Variants in NOL4 observed in about 807,000 individuals in gnomAD.
NOL4 encodes the protein cancer/testis antigen 125.
In NOL4, 17 loss-of-function variants were observed where a neutral mutation model predicts 75.9. The ratio of observed to expected loss-of-function variants is 0.22; its 90% confidence interval spans 0.15 to 0.34. The LOEUF is 0.34. Among genes scored for constraint, NOL4 ranks in the 10% least tolerant of loss-of-function variants. The probability of loss-of-function intolerance (pLI) is 1.00; values close to 1 mark genes in which losing one functional copy is unlikely to be tolerated. For missense variants in NOL4, 614 were observed against 793.5 expected (o/e 0.77, Z 2.72); for synonymous variants, 292 against 289.9 (o/e 1.01, Z -0.07).
Position 33,957,424 on chromosome 18 carries a change from A to C in NOL4, c.1330T>G (p.Cys444Gly). The C allele has an allele frequency of 6.2e-7, 1 of 1,613,732 alleles. No homozygotes were observed. Residue 444 changes from cysteine (C) to glycine (G), a missense_variant, in exon 8 of 11, where the codon TGC becomes GGC. Around this residue, in one of 9 missense-constraint regions of NOL4, gnomAD observed 52 missense variants for 121.1 expected, o/e 0.43. Transcript: ENST00000261592. Reference sequence around the variant, plus strand: ...TGATACTCAGGGAATTGTCGCCTGCATGAGTCAATGATAGCCTGGATCTTT... The same window carrying C: ...TGATACTCAGGGAATTGTCGCCTGCCTGAGTCAATGATAGCCTGGATCTTT... ...KEKIQAIIDS[C>G]RRQFPEYQER...
At chr18:34,037,594 C>A (rs1015316286) in intron 5 of NOL4, among the ~76,000 whole-genome samples, 2 of 151,952 alleles carry the variant, frequency 1.3e-5, no homozygotes, top group South Asian at 2.1e-4. Context: ...GAATAGGGAA[C>A]CCCAAAATAA....
intron 5 of NOL4, among the ~76,000 whole-genome samples, chr18:34,081,497 T>C (rs553136800): frequency 6.6e-6 from 1 of 152,290 alleles, no homozygotes; most frequent in South Asian, 2.1e-4. Context: ...TTTTTCTGAA[T>C]GCTTTATGTA....
chr18:34,039,170 T>C (rs549862744), intron 5 of NOL4, among the ~76,000 whole-genome samples: 1 of 152,146 alleles, frequency 6.6e-6, no homozygotes, highest in South Asian at 2.1e-4. Context: ...CTCGTCTTAT[T>C]GTCACACAAT....
At chr18:34,161,345 A>G (rs907662391) in intron 1 of NOL4, among the ~76,000 whole-genome samples, 2 of 152,058 alleles carry the variant, frequency 1.3e-5, no homozygotes, top group Non-Finnish European at 1.5e-5. Context: ...TGGGATTGCC[A>G]TTCTATTTCT....
intron 5 of NOL4, among the ~76,000 whole-genome samples, chr18:34,025,576 T>C (rs9965547): frequency 2.1e-4 from 32 of 152,330 alleles, no homozygotes; most frequent in African/African-American, 7.7e-4. Context: ...CAGCTATTTG[T>C]GTGCACACTG....
At chr18:34,151,116 T>C (rs898468743) in intron 1 of NOL4, among the ~76,000 whole-genome samples, 8 of 151,844 alleles carry the variant, frequency 5.3e-5, no homozygotes, top group African/African-American at 1.9e-4. Context: ...GTGCATAGGA[T>C]TGCAAAACTT....
intron 9 of NOL4, among the ~76,000 whole-genome samples, chr18:33,936,761 C>T (rs2068086100): frequency 6.6e-6 from 1 of 151,930 alleles, no homozygotes; most frequent in Non-Finnish European, 1.5e-5. Context: ...ACAAGGAAAC[C>T]CTCACATTCT....
chr18:34,216,893 TTTC>T (rs2036926906), intron 1 of NOL4, among the ~76,000 whole-genome samples: 1 of 152,072 alleles, frequency 6.6e-6, no homozygotes, highest in Non-Finnish European at 1.5e-5. Context: ...ATTTTATGTA[TTTC>T]TTCTTTTGTC....
chr18:34,085,237 A>C (rs533405245), intron 5 of NOL4, among the ~76,000 whole-genome samples: 6 of 152,310 alleles, frequency 3.9e-5, no homozygotes, highest in Admixed American at 2.6e-4. Context: ...GACAGACAGA[A>C]ATCCATATTT....
intron 5 of NOL4, among the ~76,000 whole-genome samples, chr18:34,048,846 T>A (rs1600393038): frequency 6.6e-6 from 1 of 151,922 alleles, no homozygotes; most frequent in Admixed American, 6.6e-5. Flanking sequence ...GATCACAGAG[T>A]TATTTAATAA....
chr18:34,171,508 T>C (rs1356512244), intron 1 of NOL4, among the ~76,000 whole-genome samples: 1 of 152,154 alleles, frequency 6.6e-6, no homozygotes, highest in Non-Finnish European at 1.5e-5. Context: ...GAAGATATTG[T>C]AGAGTTTCCA....
At chr18:34,081,056 C>A (rs1241181131) in intron 5 of NOL4, among the ~76,000 whole-genome samples, 1 of 152,142 alleles carries the variant, frequency 6.6e-6, no homozygotes, top group Non-Finnish European at 1.5e-5. Flanking sequence ...TCTACTGATG[C>A]AAATGCAGAA....
chr18:33,857,963 A>C (rs1315774722), intron 10 of NOL4, among the ~76,000 whole-genome samples: 1 of 152,052 alleles, frequency 6.6e-6, no homozygotes, highest in Non-Finnish European at 1.5e-5. Context: ...CACACTTACT[A>C]TTCATAGAGG....
rs145557104 is a variant in NOL4 at position 34,035,835 on chromosome 18, C to T, written c.773-16234G>A. On this transcript the variant is annotated intron_variant, in intron 5 of 10. Coordinates refer to ENST00000261592, the MANE Select transcript of NOL4 (RefSeq NM_003787.5). The stretch of plus-strand genomic sequence containing the variant: ...CAGAGATACAAAAGATCATCAGAGA[C>T]TATTATGAACAACTATATGCTAACA... 2.4e-4 allele frequency among the ~76,000 whole-genome samples: 36 copies of T among 152,086 alleles called. No individual in the cohort carries two copies. In the East Asian group the frequency reaches 6.8e-3, roughly 29 times the overall value.
intron 1 of NOL4, among the ~76,000 whole-genome samples, chr18:34,190,375 A>G (rs1045576998): frequency 6.6e-6 from 1 of 152,038 alleles, no homozygotes; most frequent in African/African-American, 2.4e-5. Flanking sequence ...CAACTGGACA[A>G]ATGGTGTATA....
chr18:34,200,479 A>G (rs1171609673), intron 1 of NOL4, among the ~76,000 whole-genome samples: 1 of 151,814 alleles, frequency 6.6e-6, no homozygotes, highest in African/African-American at 2.4e-5. Flanking sequence ...ATTCTTTGAT[A>G]CAATGTTGGT....
chr18:34,094,908 C>G (rs977976382), intron 4 of NOL4, among the ~76,000 whole-genome samples: 1 of 152,094 alleles, frequency 6.6e-6, no homozygotes, highest in Non-Finnish European at 1.5e-5. Flanking sequence ...CATCCAGACT[C>G]GAGGAAACAA....
chr18:33,852,424 C>CTTTTTT lies in NOL4; in HGVS notation c.*412_*417dup, dbSNP rs1295935939. 7.4e-6 allele frequency: 1 copy of CTTTTTT among 135,046 alleles called. No individual in the cohort carries two copies. Among genetic ancestry groups the CTTTTTT allele is most frequent in the Non-Finnish European group, 1.6e-5 (1 of 62,410 alleles). The allele number at this position is 135,046 out of a possible 1,614,324, so 8.4% of individuals were successfully genotyped here. On this transcript the variant is annotated 3_prime_UTR_variant, in exon 11 of 11. Coordinates refer to ENST00000261592, the MANE Select transcript of NOL4 (RefSeq NM_003787.5). Reference sequence around the variant, plus strand: ...TATCCTGTAGCAACAAGAAATTTGGCTTTTTTTTTTCTTTTTTTTTTTTTT... The same window carrying CTTTTTT: ...TATCCTGTAGCAACAAGAAATTTGGCTTTTTTTTTTTTTTTTCTTTTTTTTTTTTTT...
Position 34,109,820 on chromosome 18 carries a change from AAG to A in NOL4, c.415-4662_415-4661del, listed in dbSNP as rs201259853. Among the ~76,000 whole-genome samples the A allele has an allele frequency of 8.6e-3, 1,314 of 151,990 alleles. 5 individuals are homozygous for A. The highest frequency in any genetic ancestry group is 0.034 in the Middle Eastern group (10 of 292). ...AAATAAATAAAATTATAATTAAATG[AAG>A]AGATATTATAAATATCAGAGAAATA... On this transcript the variant is annotated intron_variant, in intron 2 of 10. Transcript: ENST00000261592.
Sources: allele counts gnomAD v4.1 joint callset (sites outside exome capture counted in the v4.1 genomes callset), GRCh38; gene constraint gnomAD v4.1.1; regional missense constraint gnomAD v4.1.1; transcripts MANE v1.5; gene names NCBI Gene and HGNC (gene_info 2026-07-23, HGNC 2026-07-21).